Variants in MPP7 observed in about 807,000 individuals in gnomAD.
The protein encoded by MPP7 is MAGUK p55 scaffold protein 7, also known as MAGUK p55 subfamily member 7.
A neutral mutation model predicts 76.5 loss-of-function variants in MPP7; 60 were observed. The ratio of observed to expected loss-of-function variants is 0.78; its 90% CI spans 0.64 to 0.97. The LOEUF is 0.97. Ranked by LOEUF, MPP7 falls within the 50% of genes least tolerant of loss-of-function variation. The pLI is 0.00. For synonymous variants in MPP7, 237 were observed against 244.5 expected (o/e 0.97, Z 0.29); for missense variants, 641 against 694.0 (o/e 0.92, Z 0.86).
intron 2 of MPP7, among the ~76,000 whole-genome samples, chr10:28,214,408 T>A (rs1279330369): frequency 2.0e-5 from 3 of 152,138 alleles, no homozygotes; most frequent in Non-Finnish European, 4.4e-5. Context: ...CATCAAAGTT[T>A]CATTAACAGG....
chr10:28,172,566 T>C (rs1022489094), intron 3 of MPP7, among the ~76,000 whole-genome samples: 1 of 151,928 alleles, frequency 6.6e-6, no homozygotes, highest in African/African-American at 2.4e-5. Context: ...CAGCAGAAAG[T>C]TGATTTTCCA....
At chr10:28,141,450 A>G (rs535851877) in intron 5 of MPP7, among the ~76,000 whole-genome samples, 1 of 152,186 alleles carries the variant, frequency 6.6e-6, no homozygotes, top group Non-Finnish European at 1.5e-5. Flanking sequence ...CTTGTCAATA[A>G]CATTGAAAAT....
Position 28,202,146 on chromosome 10 carries a change from G to A in MPP7, c.156+7C>T. The A allele has an allele frequency of 6.3e-7, 1 of 1,579,834 alleles. No homozygotes were observed. Among genetic ancestry groups the A allele is most frequent in the Non-Finnish European group, 8.7e-7 (1 of 1,149,556 alleles). On this transcript the variant is annotated splice_region_variant and intron_variant, in intron 3 of 16. Transcript: ENST00000683449. ...CGCAAAGAGAATCTGACATCAGCAT[G>A]GTTTACCTTTACCAATGAATGCAGG...
At chr10:28,162,111 T>TG (rs1836282369) in intron 3 of MPP7, among the ~76,000 whole-genome samples, 2 of 152,250 alleles carry the variant, frequency 1.3e-5, no homozygotes, top group South Asian at 4.1e-4. Flanking sequence ...AAAACCTAAA[T>TG]GAAGCTTTGG....
At chr10:28,269,368 C>T (rs1310314300) in intron 1 of MPP7, among the ~76,000 whole-genome samples, 1 of 152,170 alleles carries the variant, frequency 6.6e-6, no homozygotes, top group Non-Finnish European at 1.5e-5. Context: ...TCCAACCTTG[C>T]ATAAGCATAA....
chr10:28,258,429 T>A (rs186496309), intron 1 of MPP7, among the ~76,000 whole-genome samples: 3 of 148,438 alleles, frequency 2.0e-5, no homozygotes, highest in African/African-American at 7.4e-5. Flanking sequence ...AGACAGAGTC[T>A]CACTCTGTCA....
intron 1 of MPP7, among the ~76,000 whole-genome samples, chr10:28,276,442 A>C (rs1840500040): frequency 6.6e-6 from 1 of 152,158 alleles, no homozygotes; most frequent in South Asian, 2.1e-4. Flanking sequence ...AATATAGTCC[A>C]GCCCAGATGG....
intron 5 of MPP7, among the ~76,000 whole-genome samples, chr10:28,135,418 A>G (rs996345551): frequency 2.0e-5 from 3 of 152,202 alleles, no homozygotes; most frequent in Non-Finnish European, 4.4e-5. Flanking sequence ...CCTTGGAGCC[A>G]TTGGCAATAT....
At chr10:28,300,300 G>C (rs1381120247) in intron 1 of MPP7, among the ~76,000 whole-genome samples, 1 of 152,118 alleles carries the variant, frequency 6.6e-6, no homozygotes, top group Non-Finnish European at 1.5e-5. Flanking sequence ...TTGGGGGAGG[G>C]GGAGAAGTCA....
intron 3 of MPP7, among the ~76,000 whole-genome samples, chr10:28,182,408 G>A (rs1189527881): frequency 1.3e-5 from 2 of 152,134 alleles, no homozygotes; most frequent in African/African-American, 4.8e-5. Context: ...GGAACTCCTG[G>A]ATTATAATAT....
At chr10:28,175,289 CAA>C (rs937278719) in intron 3 of MPP7, among the ~76,000 whole-genome samples, 2 of 131,814 alleles carry the variant, frequency 1.5e-5, no homozygotes, top group Admixed American at 7.7e-5. Context: ...GATGTCGTCT[CAA>C]AAAAAAAAAG....
intron 1 of MPP7, among the ~76,000 whole-genome samples, chr10:28,262,271 A>ATTTTTTTT (rs1564741726): frequency 1.7e-5 from 1 of 59,774 alleles, no homozygotes; most frequent in African/African-American, 8.4e-5. Flanking sequence ...ATATATATAT[A>ATTTTTTTT]TATATATTTT....
At chr10:28,200,152 G>T (rs528686704) in intron 3 of MPP7, among the ~76,000 whole-genome samples, 1 of 152,094 alleles carries the variant, frequency 6.6e-6, no homozygotes, top group African/African-American at 2.4e-5. Context: ...ACAGTTAAGC[G>T]GTTTGTTCCA....
At chr10:28,293,517 G>A (rs543287067) in intron 1 of MPP7, among the ~76,000 whole-genome samples, 1 of 152,374 alleles carries the variant, frequency 6.6e-6, no homozygotes, top group East Asian at 1.9e-4. Flanking sequence ...ATGCCAGAGA[G>A]AGGGTCCCCT....
At chr10:28,173,255 T>C (rs112898282) in intron 3 of MPP7, among the ~76,000 whole-genome samples, 4,425 of 150,264 alleles carry the variant, frequency 0.029, 82 homozygotes, top group South Asian at 0.058. Context: ...AAAAAGAATT[T>C]GAAGGAAAAG....
chr10:28,275,189 T>C (rs1240694157), intron 1 of MPP7, among the ~76,000 whole-genome samples: 1 of 152,160 alleles, frequency 6.6e-6, no homozygotes, highest in African/African-American at 2.4e-5. Context: ...TCATCTTCAC[T>C]TAATGTGTAG....
At chr10:28,288,818 A>G (rs965918188) in intron 1 of MPP7, among the ~76,000 whole-genome samples, 1 of 152,186 alleles carries the variant, frequency 6.6e-6, no homozygotes, top group Non-Finnish European at 1.5e-5. Flanking sequence ...GAAGCTCAGC[A>G]GAGCCCAATG....
chr10:28,167,078 AG>A (rs1836489486), intron 3 of MPP7, among the ~76,000 whole-genome samples: 1 of 152,088 alleles, frequency 6.6e-6, no homozygotes, highest in Admixed American at 6.6e-5. Context: ...TAGGAGGCCA[AG>A]GAGGGCGGAT....
chr10:28,302,645 G>T (rs920217218), intron 1 of MPP7, among the ~76,000 whole-genome samples: 2 of 152,100 alleles, frequency 1.3e-5, no homozygotes, highest in East Asian at 3.9e-4. Flanking sequence ...CCCGCCCGAG[G>T]CGGCCCCGCC....
Sources: gnomAD v4.1 joint callset for allele counts (sites outside exome capture counted in the v4.1 genomes callset) on GRCh38, gnomAD v4.1.1 for gene constraint, MANE v1.5 for transcripts, NCBI Gene and HGNC (gene_info 2026-07-23, HGNC 2026-07-21) for gene names.